The following PKD1L1 variants were observed in gnomAD, a reference collection of about 807,000 sequenced individuals.
PKD1L1 encodes polycystin-1-like protein 1.
PKD1L1 carries 236 observed loss-of-function variants against 323.4 expected under a neutral mutation model. The ratio of observed to expected loss-of-function variants is 0.73; its 90% CI spans 0.66 to 0.81. The LOEUF (loss-of-function observed/expected upper bound fraction) is 0.81. Among genes scored for constraint, PKD1L1 ranks in the 40% least tolerant of loss-of-function variants. The probability of loss-of-function intolerance (pLI) is 0.00; values close to 1 mark genes in which losing one functional copy is unlikely to be tolerated. For missense variants in PKD1L1, 3,320 were observed against 3,508.0 expected, an observed-to-expected ratio of 0.95 and a Z score of 1.35; for synonymous variants, 1,344 against 1,335.0, an observed-to-expected ratio of 1.01 and a Z score of -0.15.
At chr7:47,826,911 T>G (rs949682316) in intron 45 of PKD1L1, among the ~76,000 whole-genome samples, 4 of 152,272 alleles carry the variant, frequency 2.6e-5, no homozygotes, top group African/African-American at 9.6e-5. Context: ...GCTAAATCCA[T>G]GCCCTAAGAA....
intron 15 of PKD1L1, among the ~76,000 whole-genome samples, chr7:47,892,511 G>A (rs1329489674): frequency 2.6e-5 from 4 of 152,142 alleles, no homozygotes; most frequent in Non-Finnish European, 5.9e-5. Flanking sequence ...AAACTGTGAA[G>A]TAAAGTCTTC....
At chr7:47,791,505 A>T (rs868715962) in intron 56 of PKD1L1, among the ~76,000 whole-genome samples, 1 of 150,116 alleles carries the variant, frequency 6.7e-6, no homozygotes, top group South Asian at 2.1e-4. Context: ...TGTGGAGAAC[A>T]TCTCGGTTAC....
At chr7:47,926,433 T>C (rs1004721168) in intron 7 of PKD1L1, among the ~76,000 whole-genome samples, 12 of 152,190 alleles carry the variant, frequency 7.9e-5, no homozygotes, top group African/African-American at 2.9e-4. Context: ...TTGATTGATA[T>C]CTTACGTCTC....
At chr7:47,879,857 T>A (rs59221678) in intron 21 of PKD1L1, among the ~76,000 whole-genome samples, 1 of 145,326 alleles carries the variant, frequency 6.9e-6, no homozygotes. Context: ...GGCGTGAACC[T>A]GGGAGGCAGA....
At chr7:47,866,010 T>C (rs11981863) in intron 25 of PKD1L1, among the ~76,000 whole-genome samples, 3,408 of 152,306 alleles carry the variant, frequency 0.022, 126 homozygotes, top group African/African-American at 0.078. Flanking sequence ...ATATTCTCTA[T>C]TGACAGTTAT....
rs747363945 is a variant in PKD1L1 at position 47,882,085 on chromosome 7, G to T, written c.3266C>A (p.Ala1089Asp). 2.1e-4 allele frequency: 332 copies of T among 1,612,574 alleles called. 1 individual carries two copies. The highest frequency in any genetic ancestry group is 2.7e-4 in the Non-Finnish European group (318 of 1,179,678). Residue 1089 changes from alanine (A) to aspartate (D), a missense_variant and splice_region_variant, in exon 20 of 57, where the codon GCT becomes GAT. Ala to Asp is a moderately radical substitution (Grantham distance 126). Coordinates refer to ENST00000289672, the MANE Select transcript of PKD1L1 (RefSeq NM_138295.5). ...EAIPSGGRQP[A>D]KDTSFPGSGP... ...TGATCCTGGAAAGCTGGTGTCCTTAGCTAGGAAGATAAACCAAGCCAATAG... is the reference window on the plus strand; with the variant it reads ...TGATCCTGGAAAGCTGGTGTCCTTATCTAGGAAGATAAACCAAGCCAATAG...
chr7:47,800,725 G>C lies in PKD1L1; in HGVS notation c.8117C>G (p.Ser2706Cys), dbSNP rs1293060722. 1 of 1,614,190 alleles carries C rather than the reference G, an allele frequency of 6.2e-7. No homozygotes were observed. Among genetic ancestry groups the C allele is most frequent in the South Asian group, 1.1e-5 (1 of 91,082 alleles). Residue 2706 changes from serine to cysteine, a missense_variant, in exon 54 of 57, where the codon TCC becomes TGC. Ser to Cys is a moderately radical substitution (Grantham distance 112, BLOSUM62 -1). Transcript: ENST00000289672. ...RSQKDCLLGL[S>C]KSDQRAMACY... ...AGCCATGGCCCGCTGGTCAGACTTG[G>C]AAAGGCCAAGGAGGCAGTCTTTTTG...
intron 46 of PKD1L1, among the ~76,000 whole-genome samples, chr7:47,820,345 A>G (rs982079610): frequency 6.6e-6 from 1 of 152,242 alleles, no homozygotes; most frequent in African/African-American, 2.4e-5. Flanking sequence ...TGCTAGATTT[A>G]CCTATGATCA....
chr7:47,847,147 G>A (rs573640986), intron 31 of PKD1L1, 76 bp from the exon 32 acceptor site: 15 of 1,205,328 alleles, frequency 1.2e-5, no homozygotes, highest in African/African-American at 1.1e-4. Context: ...AACGCAGACA[G>A]AGTAGGCAGA....
chr7:47,838,894 A>AAAAG (rs1457622573), intron 36 of PKD1L1, among the ~76,000 whole-genome samples: 2 of 151,524 alleles, frequency 1.3e-5, no homozygotes, highest in Admixed American at 6.6e-5. Flanking sequence ...AAAAAAAAAA[A>AAAAG]AAAGAAAGAA....
intron 4 of PKD1L1, among the ~76,000 whole-genome samples, chr7:47,935,410 C>T (rs1206918940): frequency 2.0e-5 from 3 of 152,096 alleles, no homozygotes; most frequent in Non-Finnish European, 4.4e-5. Context: ...CAGACAAATC[C>T]GGCCATAAAA....
chr7:47,878,491 T>C (rs1349029303), intron 21 of PKD1L1, among the ~76,000 whole-genome samples: 1 of 152,232 alleles, frequency 6.6e-6, no homozygotes, highest in Non-Finnish European at 1.5e-5. Context: ...ATTGAGCCTC[T>C]GCTACACACC....
At chr7:47,905,038 C>T (rs1583663493) in intron 11 of PKD1L1, 119 bp downstream of exon 11, 5 of 1,094,512 alleles carry the variant, frequency 4.6e-6, no homozygotes. Flanking sequence ...GACCTAGTGG[C>T]CCATTATAAT....
At chr7:47,826,910 A>G (rs1785248939) in intron 45 of PKD1L1, among the ~76,000 whole-genome samples, 1 of 152,268 alleles carries the variant, frequency 6.6e-6, no homozygotes, top group Non-Finnish European at 1.5e-5. Flanking sequence ...GGCTAAATCC[A>G]TGCCCTAAGA....
At chr7:47,879,808 C>T (rs1786495388) in intron 21 of PKD1L1, among the ~76,000 whole-genome samples, 1 of 148,378 alleles carries the variant, frequency 6.7e-6, no homozygotes, top group Non-Finnish European at 1.5e-5. Context: ...TGGCAGGCAG[C>T]TGTAGTCCCA....
At chr7:47,934,302 G>A (rs1201594255) in intron 4 of PKD1L1, among the ~76,000 whole-genome samples, 2 of 152,084 alleles carry the variant, frequency 1.3e-5, no homozygotes, top group African/African-American at 4.8e-5. Flanking sequence ...ACAAACATGC[G>A]TGGACCTAGT....
intron 46 of PKD1L1, among the ~76,000 whole-genome samples, chr7:47,820,508 T>C (rs1331968376): frequency 6.6e-6 from 1 of 152,132 alleles, no homozygotes; most frequent in Non-Finnish European, 1.5e-5. Context: ...GTGGATCACT[T>C]GAGGTCAGGA....
At chr7:47,913,663 T>C (rs117418905) in intron 8 of PKD1L1, among the ~76,000 whole-genome samples, 1 of 152,168 alleles carries the variant, frequency 6.6e-6, no homozygotes, top group Non-Finnish European at 1.5e-5. Context: ...TCTGCCATGA[T>C]TGTAAGTTTC....
chr7:47,901,206 T>G (rs1292919009), intron 13 of PKD1L1, among the ~76,000 whole-genome samples: 1 of 151,174 alleles, frequency 6.6e-6, no homozygotes, highest in Non-Finnish European at 1.5e-5. Flanking sequence ...CGCATGGTGG[T>G]GCACACCTGT....
Sources: allele counts gnomAD v4.1 joint callset (sites outside exome capture counted in the v4.1 genomes callset), GRCh38; gene constraint gnomAD v4.1.1; transcripts MANE v1.5; gene names NCBI Gene and HGNC (gene_info 2026-07-23, HGNC 2026-07-21).